WDR86: variants seen among roughly 807,000 people sequenced by gnomAD.
The protein encoded by WDR86 is WD repeat domain 86.
Under a neutral mutation model 36.5 loss-of-function variants are expected in WDR86, and 30 were observed. The ratio of observed to expected loss-of-function variants is 0.82; its 90% CI spans 0.61 to 1.11. The LOEUF is 1.11. WDR86 is among the 50% of genes most tolerant of loss of function. The pLI, the probability that WDR86 is intolerant of heterozygous loss-of-function variation, is 0.00. For missense variants in WDR86, 545 were observed against 561.2 expected (o/e 0.97, Z 0.29); for synonymous variants, 255 against 252.9 (o/e 1.01, Z -0.08).
At chr7:151,383,346 C>T (rs1375313355) in intron 4 of WDR86, among the ~76,000 whole-genome samples, 2 of 152,016 alleles carry the variant, frequency 1.3e-5, no homozygotes, top group African/African-American at 4.8e-5. Flanking sequence ...TGGTGGCACA[C>T]ACCTGTAGTC....
At position 151,395,892 on chromosome 7, in the gene WDR86, G is replaced by A. The variant is rs767757447; in HGVS notation, c.610C>T (p.Pro204Ser). The change falls in exon 3 of 6, where the codon CCC becomes TCC. Residue 204 changes from proline (P) to serine (S), a missense_variant. Pro to Ser is a moderately conservative substitution (Grantham distance 74). Coordinates refer to ENST00000334493, the MANE Select transcript of WDR86 (RefSeq NM_198285.3). ...CTGCCTGTGAAGGCCGTGTGGCCGGGCGTGTCTAGCACTAGGCACAGCACT... is the reference window on the plus strand; with the variant it reads ...CTGCCTGTGAAGGCCGTGTGGCCGGACGTGTCTAGCACTAGGCACAGCACT... ...GAVLCLVLDT[P>S]GHTAFTGSTD... The A allele has an allele frequency of 4.7e-5, 75 of 1,602,360 alleles. No homozygotes were observed. The highest frequency in any genetic ancestry group is 6.8e-5 in the Admixed American group (4 of 59,208).
chr7:151,377,075 C>T (rs745390870), downstream of WDR86: 6 of 1,572,104 alleles, frequency 3.8e-6, no homozygotes, highest in African/African-American at 8.2e-5. Flanking sequence ...CAGACGAAGA[C>T]ATGGAGACAG....
rs745626382 is a variant in WDR86 at position 151,381,952 on chromosome 7, G to C, written c.892C>G (p.Arg298Gly). Residue 298 changes from arginine (R) to glycine (G), a missense_variant, in exon 5 of 6, where the codon CGG becomes GGG. Physicochemically the swap from Arg to Gly is moderately radical, Grantham distance 125. Transcript: ENST00000334493. This position sits in a 1 kb window ranked among gnomAD's most constrained non-coding sequence, Gnocchi z 4.8. ...LFTGSGDACA[R>G]AFDAQSGELR... Reference sequence around the variant, plus strand: ...TCTCCAGACTGCGCGTCGAAGGCCCGGGCGCAAGCGTCCCCGCTGCCCGTG... The same window carrying C: ...TCTCCAGACTGCGCGTCGAAGGCCCCGGCGCAAGCGTCCCCGCTGCCCGTG... 2 of 1,607,098 alleles carry C rather than the reference G, an allele frequency of 1.2e-6. No individual in the cohort carries two copies. Among genetic ancestry groups the C allele is most frequent in the Admixed American group, 1.7e-5 (1 of 59,314 alleles).
chr7:151,400,256 C>A lies in WDR86; in HGVS notation c.164-15G>T. ...GCTTTCATGTCCTGCAGATGAGGGA[C>A]AGGGGAGATGTGAGCGTACTGGGGA... On this transcript the variant is annotated splice_polypyrimidine_tract_variant and intron_variant, in intron 1 of 5. Transcript: ENST00000334493. 6.3e-7 allele frequency: 1 copy of A among 1,588,288 alleles called. No homozygotes were observed. The highest frequency in any genetic ancestry group is 8.6e-7 in the Non-Finnish European group (1 of 1,165,730).
downstream of WDR86, chr7:151,376,439 G>T (rs1025119267): frequency 2.8e-5 from 16 of 579,912 alleles, no homozygotes; most frequent in Middle Eastern, 4.6e-4. Context: ...TGACGCACCC[G>T]ACTTGAGTCT....
intron 4 of WDR86, among the ~76,000 whole-genome samples, chr7:151,384,367 A>C (rs1048836516): frequency 6.6e-6 from 1 of 152,252 alleles, no homozygotes; most frequent in Non-Finnish European, 1.5e-5. Flanking sequence ...GAATGGTCAC[A>C]GAGAGGTATG....
Position 151,409,144 on chromosome 7 carries a change from T to G in WDR86, c.163+283A>C. 1.5e-6 allele frequency: 1 copy of G among 663,730 alleles called. No individual in the cohort carries two copies. The highest frequency in any genetic ancestry group is 1.6e-5 in the South Asian group (1 of 61,762). The allele number at this position is 663,730 out of a possible 1,614,324, so 41.1% of individuals were successfully genotyped here. ...GTCAAGGGAGATTTCCTGCCGCTGG[T>G]TGACAAATGATCTTCGCCTTTGTAG... On this transcript the variant is annotated intron_variant, in intron 1 of 5. Transcript: ENST00000334493. The surrounding 1 kb of genome is among the most constrained non-coding windows in gnomAD (Gnocchi z 5.2).
At chr7:151,398,427 C>CATGTGT (rs1563060507) in intron 2 of WDR86, among the ~76,000 whole-genome samples, 1 of 150,088 alleles carries the variant, frequency 6.7e-6, no homozygotes, top group Non-Finnish European at 1.5e-5. Context: ...CGTGTGTGCA[C>CATGTGT]ATGTGTAAGT....
chr7:151,376,334 G>T, downstream of WDR86: 1 of 489,824 alleles, frequency 2.0e-6, no homozygotes, highest in Non-Finnish European at 3.7e-6. Flanking sequence ...ACGCCTGTAT[G>T]CTGTGGCCAC....
In WDR86 at chr7:151,381,468, T is replaced by TTCCCCGC; in HGVS notation, c.*113_*114insGCGGGGA. On this transcript the variant is annotated 3_prime_UTR_variant, in exon 6 of 6. Coordinates refer to ENST00000334493, the MANE Select transcript of WDR86 (RefSeq NM_198285.3). The surrounding 1 kb of genome is among the most constrained non-coding windows in gnomAD (Gnocchi z 4.8). ...CGACGGGCTCTCCTCCCGCCCGGGC[T>TTCCCCGC]TCCTCGCTCCTCGCCCCTCGCCGGC... The TTCCCCGC allele has an allele frequency of 6.7e-7, 1 of 1,487,314 alleles. No individual in the cohort carries two copies. Among genetic ancestry groups the TTCCCCGC allele is most frequent in the Non-Finnish European group, 8.9e-7 (1 of 1,126,726 alleles). 92.1% of individuals were successfully genotyped at this position (1,487,314 alleles called of 1,614,324 possible).
chr7:151,392,570 C>T (rs950252269), intron 3 of WDR86, among the ~76,000 whole-genome samples: 8 of 152,304 alleles, frequency 5.3e-5, no homozygotes, highest in African/African-American at 1.9e-4. Flanking sequence ...GCCGCCCATT[C>T]ACTCCCTCAT....
downstream of WDR86, among the ~76,000 whole-genome samples, chr7:151,373,109 T>C (rs1798036575): frequency 6.6e-6 from 1 of 152,178 alleles, no homozygotes; most frequent in Non-Finnish European, 1.5e-5. Flanking sequence ...GAGGCGCCTG[T>C]TGCCTGGGCT....
intron 4 of WDR86, among the ~76,000 whole-genome samples, 185 bp from the exon 5 acceptor site, chr7:151,382,166 C>T (rs1798643365): frequency 6.6e-6 from 1 of 152,164 alleles, no homozygotes; most frequent in Non-Finnish European, 1.5e-5. Context: ...TTCTGCTCCA[C>T]CCTGCAGATG....
rs973684484 is a variant in WDR86, at chr7:151,400,340, A to C, written c.164-99T>G. On this transcript the variant is annotated intron_variant, in intron 1 of 5. Coordinates refer to ENST00000334493, the MANE Select transcript of WDR86 (RefSeq NM_198285.3). ...TTGAAAAGGGAAGAAAGCAGGATGTAGGGAGTGTTTGAGACAAGCTGGAGT... is the reference window on the plus strand; with the variant it reads ...TTGAAAAGGGAAGAAAGCAGGATGTCGGGAGTGTTTGAGACAAGCTGGAGT... The C allele has an allele frequency of 6.8e-6, 9 of 1,314,782 alleles. No individual in the cohort carries two copies. In the African/African-American group the frequency reaches 1.4e-4, roughly 20 times the overall value. 81.4% of individuals were successfully genotyped at this position (1,314,782 alleles called of 1,614,324 possible). A position where few individuals can be genotyped will look rare whatever the true frequency, so the allele number is the denominator to read the frequency against.
chr7:151,379,703 C>T (rs1280387937), downstream of WDR86, among the ~76,000 whole-genome samples: 3 of 152,212 alleles, frequency 2.0e-5, no homozygotes, highest in East Asian at 3.8e-4. Flanking sequence ...GTGAGTGCAG[C>T]GCCCGTGTTT....
intron 4 of WDR86, 83 bp downstream of exon 4, chr7:151,385,005 G>C (rs1172819251): frequency 1.4e-6 from 2 of 1,436,730 alleles, no homozygotes; most frequent in Admixed American, 2.1e-5. Flanking sequence ...GGCTCAATGA[G>C]GGAAAATCCC....
intron 4 of WDR86, among the ~76,000 whole-genome samples, chr7:151,382,991 T>TTTC (rs937152214): frequency 1.3e-5 from 2 of 151,390 alleles, no homozygotes; most frequent in African/African-American, 4.9e-5. Context: ...TTTTTTTTTT[T>TTTC]TTTCTTACAG....
chr7:151,408,199 C>CTTTTTTTTTTTT (rs1029293163), intron 1 of WDR86, among the ~76,000 whole-genome samples: 1 of 116,076 alleles, frequency 8.6e-6, no homozygotes, highest in African/African-American at 3.5e-5. Context: ...CTTTTCTTTT[C>CTTTTTTTTTTTT]TTTTTTTTTT....
At chr7:151,371,159 G>A (rs746234176), downstream of WDR86, among the ~76,000 whole-genome samples, 2 of 152,198 alleles carry the variant, frequency 1.3e-5, no homozygotes, top group East Asian at 1.9e-4. Context: ...CCCAACAGAT[G>A]TTGTTAGTTA....
Sources: gnomAD v4.1 joint callset for allele counts (sites outside exome capture counted in the v4.1 genomes callset) on GRCh38, gnomAD v4.1.1 for gene constraint, Gnocchi (gnomAD v3.1) non-coding constraint, MANE v1.5 for transcripts, NCBI Gene and HGNC (gene_info 2026-07-23, HGNC 2026-07-21) for gene names.